GNG4: variants seen among roughly 807,000 people sequenced by gnomAD.
GNG4 encodes the protein guanine nucleotide-binding protein G(I)/G(S)/G(O) subunit gamma-4.
GNG4 carries 4 observed loss-of-function variants against 5.8 expected under a neutral mutation model. That is an observed-to-expected ratio of 0.69 (90% CI 0.34 to 1.57). The LOEUF (loss-of-function observed/expected upper bound fraction) is 1.57. Ranked by LOEUF, GNG4 falls within the 40% of genes most tolerant of loss-of-function variation. The pLI is 0.06. For synonymous variants in GNG4, 29 were observed against 32.9 expected (o/e 0.88, Z 0.41); for missense variants, 96 against 95.1 (o/e 1.01, Z -0.04).
intron 1 of GNG4, among the ~76,000 whole-genome samples, chr1:235,647,692 T>A (rs755637010): frequency 6.6e-6 from 1 of 152,228 alleles, no homozygotes; most frequent in Non-Finnish European, 1.5e-5. Context: ...CAGAGTGCAG[T>A]GGCACCATCT....
At chr1:235,585,654 G>A (rs1687742968) in intron 2 of GNG4, among the ~76,000 whole-genome samples, 1 of 152,152 alleles carries the variant, frequency 6.6e-6, no homozygotes, top group South Asian at 2.1e-4. Context: ...GTACTCCACT[G>A]TGTGGATATA....
intron 2 of GNG4, among the ~76,000 whole-genome samples, chr1:235,593,746 G>A (rs780535476): frequency 1.3e-5 from 2 of 152,076 alleles, no homozygotes; most frequent in Non-Finnish European, 2.9e-5. Context: ...TCTTAAGGCG[G>A]CGCGTCTGGA....
chr1:235,576,062 T>G (rs1403484371), intron 3 of GNG4, among the ~76,000 whole-genome samples: 1 of 14,038 alleles, frequency 7.1e-5, no homozygotes, highest in South Asian at 1.3e-3. Flanking sequence ...TATATGTACT[T>G]TTTTTTTTTT....
chr1:235,561,203 G>T (rs1308922335), intron 3 of GNG4, among the ~76,000 whole-genome samples: 2 of 152,062 alleles, frequency 1.3e-5, no homozygotes, highest in Non-Finnish European at 2.9e-5. Context: ...TAGAGACGGG[G>T]TTTCACCGTG....
At chr1:235,617,959 A>ACATTCTG (rs1558498797) in intron 1 of GNG4, among the ~76,000 whole-genome samples, 3 of 152,004 alleles carry the variant, frequency 2.0e-5, no homozygotes. Flanking sequence ...CCCTAAAAGC[A>ACATTCTG]CATTCTGAGC....
chr1:235,607,431 T>C (rs534301511), intron 1 of GNG4, among the ~76,000 whole-genome samples: 1 of 152,224 alleles, frequency 6.6e-6, no homozygotes, highest in Admixed American at 6.5e-5. Context: ...GGATGGACAG[T>C]GTGTTGTTCA....
At chr1:235,621,878 T>C (rs1467317609) in intron 1 of GNG4, among the ~76,000 whole-genome samples, 1 of 152,110 alleles carries the variant, frequency 6.6e-6, no homozygotes, top group Non-Finnish European at 1.5e-5. Flanking sequence ...GGTTTTGCCA[T>C]GTTGCTCAGG....
rs112838260 is a variant in GNG4, at chr1:235,592,382, G to A, written c.-11+3018C>T. Among the ~76,000 whole-genome samples the A allele has an allele frequency of 1.8e-3, 280 of 151,872 alleles. 1 individual carries two copies. The highest frequency in any genetic ancestry group is 6.2e-3 in the African/African-American group (256 of 41,172). On this transcript the variant is annotated intron_variant, in intron 2 of 3. Coordinates refer to ENST00000391854, the MANE Select transcript of GNG4 (RefSeq NM_001098722.2). ...AGATTAGCCAGGCATGGTGGCACGT[G>A]CCTGTAATCCCAGCTACTCAGGAAG...
intron 3 of GNG4, among the ~76,000 whole-genome samples, chr1:235,573,930 A>G (rs892344582): frequency 6.6e-6 from 1 of 152,216 alleles, no homozygotes; most frequent in African/African-American, 2.4e-5. Flanking sequence ...TGATCACAAT[A>G]TACTGTTCAG....
chr1:235,608,593 C>T (rs1157795026), intron 1 of GNG4, among the ~76,000 whole-genome samples: 4 of 152,186 alleles, frequency 2.6e-5, no homozygotes, highest in Non-Finnish European at 4.4e-5. Flanking sequence ...TTTACCCATT[C>T]TGGACATTTC....
chr1:235,637,568 C>T (rs570619139), intron 1 of GNG4, among the ~76,000 whole-genome samples: 1 of 150,428 alleles, frequency 6.6e-6, no homozygotes, highest in Admixed American at 6.6e-5. Context: ...GCATGAGAAT[C>T]GCTTGAACCT....
chr1:235,596,252 A>ACACACACC (rs1244930889), intron 1 of GNG4, among the ~76,000 whole-genome samples: 1 of 117,604 alleles, frequency 8.5e-6, no homozygotes, highest in East Asian at 2.5e-4. Context: ...ACACACACAC[A>ACACACACC]CCTGGCCGGG....
At chr1:235,580,094 A>T (rs1315581990) in intron 3 of GNG4, among the ~76,000 whole-genome samples, 1 of 152,258 alleles carries the variant, frequency 6.6e-6, no homozygotes, top group African/African-American at 2.4e-5. Context: ...AAAAGGAATG[A>T]TGTTCTGATA....
chr1:235,636,814 G>T (rs1689048382), intron 1 of GNG4, among the ~76,000 whole-genome samples: 1 of 152,084 alleles, frequency 6.6e-6, no homozygotes, highest in Non-Finnish European at 1.5e-5. Context: ...CTATTTCCTT[G>T]TAAGTGCATT....
At chr1:235,576,284 G>A (rs1395106413) in intron 3 of GNG4, among the ~76,000 whole-genome samples, 1 of 151,498 alleles carries the variant, frequency 6.6e-6, no homozygotes, top group Non-Finnish European at 1.5e-5. Context: ...GGCTGGTCTC[G>A]ATCTCCTGAC....
Position 235,582,818 on chromosome 1 carries a change from C to T in GNG4, c.99+922G>A, listed in dbSNP as rs1198628000. Among the ~76,000 whole-genome samples, 4 of 152,118 alleles carry T rather than the reference C, an allele frequency of 2.6e-5. No homozygotes were observed. The East Asian group carries it at 7.7e-4, about 29-fold the overall frequency. On this transcript the variant is annotated intron_variant, in intron 3 of 3. Transcript: ENST00000391854. The stretch of plus-strand genomic sequence containing the variant: ...CTTCATATACCCTCATGTAACTTTC[C>T]GTGCATATTTTCTGCCTCCTTGGAG...
intron 1 of GNG4, among the ~76,000 whole-genome samples, chr1:235,634,267 T>C (rs80069359): frequency 0.01 from 1,540 of 152,316 alleles, 31 homozygotes; most frequent in African/African-American, 0.036. Context: ...CAGTCATAGG[T>C]ACAGAAATGC....
At chr1:235,650,271 C>CACTGGAGGAGTG (rs1558510135), upstream of GNG4, among the ~76,000 whole-genome samples, 1 of 58,048 alleles carries the variant, frequency 1.7e-5, no homozygotes, top group African/African-American at 7.4e-5. Flanking sequence ...GGGGGGGGGT[C>CACTGGAGGAGTG]TGGGGGGCGC....
intron 3 of GNG4, among the ~76,000 whole-genome samples, chr1:235,554,429 G>C: frequency 6.6e-6 from 1 of 152,120 alleles, no homozygotes; most frequent in African/African-American, 2.4e-5. Flanking sequence ...CTGCTGCCTG[G>C]GCAGCACACA....
Sources: allele counts gnomAD v4.1 joint callset (sites outside exome capture counted in the v4.1 genomes callset), GRCh38; gene constraint gnomAD v4.1.1; transcripts MANE v1.5; gene names NCBI Gene and HGNC (gene_info 2026-07-23, HGNC 2026-07-21).